The following TCF12 variants were observed in gnomAD, a reference collection of about 807,000 sequenced individuals.
TCF12 encodes transcription factor 12, also known as DNA-binding protein HTF4.
A neutral mutation model predicts 86.0 loss-of-function variants in TCF12; 45 were observed. The ratio of observed to expected loss-of-function variants is 0.52; its 90% CI spans 0.41 to 0.67. TCF12 has a LOEUF of 0.67. Ranked by LOEUF, TCF12 falls within the 30% of genes least tolerant of loss-of-function variation. The pLI, the probability that TCF12 is intolerant of heterozygous loss-of-function variation, is 0.00. For missense variants in TCF12, 881 were observed against 859.9 expected (o/e 1.02, Z -0.31); for synonymous variants, 330 against 299.6 (o/e 1.10, Z -1.05).
chr15:57,074,560 T>C (rs1414615055), intron 4 of TCF12, among the ~76,000 whole-genome samples: 2 of 152,170 alleles, frequency 1.3e-5, no homozygotes, highest in Non-Finnish European at 2.9e-5. Context: ...AGGCTGGAAA[T>C]GCAGTGGCAC....
chr15:56,927,675 C>G (rs1251380911), intron 3 of TCF12, among the ~76,000 whole-genome samples: 3 of 151,726 alleles, frequency 2.0e-5, no homozygotes, highest in Non-Finnish European at 4.4e-5. Context: ...ATGTTTTTGC[C>G]CACATTCTGA....
At chr15:57,105,297 T>G (rs1263583880) in intron 5 of TCF12, among the ~76,000 whole-genome samples, 2 of 152,240 alleles carry the variant, frequency 1.3e-5, no homozygotes, top group Admixed American at 6.5e-5. Flanking sequence ...TCTCTTAATG[T>G]TCCTATAAAC....
At chr15:57,011,966 C>G (rs562860387) in intron 3 of TCF12, among the ~76,000 whole-genome samples, 15 of 152,248 alleles carry the variant, frequency 9.9e-5, no homozygotes, top group African/African-American at 3.6e-4. Context: ...AACCTTGCTG[C>G]TTGTAATGGT....
At chr15:56,960,629 C>T (rs1471888789) in intron 3 of TCF12, among the ~76,000 whole-genome samples, 1 of 151,628 alleles carries the variant, frequency 6.6e-6, no homozygotes, top group Non-Finnish European at 1.5e-5. Flanking sequence ...GGGGTTTCAC[C>T]ATGTTGGCCA....
chr15:57,200,926 C>T (rs948450148), intron 8 of TCF12, among the ~76,000 whole-genome samples: 1 of 152,130 alleles, frequency 6.6e-6, no homozygotes, highest in East Asian at 1.9e-4. Flanking sequence ...TACTGATTGG[C>T]TGTATAGCCT....
At chr15:57,037,027 T>C (rs141621352) in intron 3 of TCF12, among the ~76,000 whole-genome samples, 205 of 152,326 alleles carry the variant, frequency 1.3e-3, no homozygotes, top group Non-Finnish European at 2.5e-3. Flanking sequence ...GTCAGTTGTT[T>C]TTAACTGGAC....
At chr15:57,132,732 G>A (rs561675712) in intron 5 of TCF12, among the ~76,000 whole-genome samples, 1 of 152,026 alleles carries the variant, frequency 6.6e-6, no homozygotes, top group African/African-American at 2.4e-5. Context: ...TCTGTACATG[G>A]CATATAGTCA....
chr15:57,067,357 G>A (rs1215129278), intron 4 of TCF12, among the ~76,000 whole-genome samples: 1 of 151,614 alleles, frequency 6.6e-6, no homozygotes, highest in Non-Finnish European at 1.5e-5. Context: ...CGGCTAAAAC[G>A]GTGAAACCCC....
intron 3 of TCF12, among the ~76,000 whole-genome samples, chr15:56,969,625 C>T (rs1367962191): frequency 4.0e-5 from 6 of 150,572 alleles, no homozygotes; most frequent in Non-Finnish European, 7.4e-5. Context: ...GCAGCCTCCA[C>T]CTCCTGGCTT....
At chr15:57,255,070 T>G (rs1026274169) in intron 16 of TCF12, among the ~76,000 whole-genome samples, 1 of 152,210 alleles carries the variant, frequency 6.6e-6, no homozygotes, top group Non-Finnish European at 1.5e-5. Flanking sequence ...TAAGTTAGTC[T>G]CAGCAGCAAC....
chr15:57,130,696 T>G (rs2151342149), intron 5 of TCF12, among the ~76,000 whole-genome samples: 1 of 152,278 alleles, frequency 6.6e-6, no homozygotes, highest in Middle Eastern at 3.4e-3. Flanking sequence ...TTTTTCTGGT[T>G]TTGGTGTTTT....
At chr15:56,999,238 A>G (rs2041907147) in intron 3 of TCF12, among the ~76,000 whole-genome samples, 1 of 151,922 alleles carries the variant, frequency 6.6e-6, no homozygotes, top group Non-Finnish European at 1.5e-5. Flanking sequence ...GAAACTAGTC[A>G]AAGAACAAAT....
intron 3 of TCF12, among the ~76,000 whole-genome samples, chr15:57,029,861 C>T (rs1315251937): frequency 6.6e-6 from 1 of 152,200 alleles, no homozygotes; most frequent in African/African-American, 2.4e-5. Context: ...TGGCTTCTTT[C>T]ACTAAGCATA....
chr15:56,981,414 G>A (rs138708002), intron 3 of TCF12, among the ~76,000 whole-genome samples: 1 of 152,272 alleles, frequency 6.6e-6, no homozygotes, highest in African/African-American at 2.4e-5. Context: ...AGAAGCAAGA[G>A]AACAAAACCA....
At chr15:57,123,900 T>C (rs1275579877) in intron 5 of TCF12, among the ~76,000 whole-genome samples, 1 of 146,708 alleles carries the variant, frequency 6.8e-6, no homozygotes, top group Middle Eastern at 3.3e-3. Context: ...AACCCGGGAG[T>C]CAGAGCTTGC....
At chr15:57,280,142 G>A (rs893337009) in intron 19 of TCF12, among the ~76,000 whole-genome samples, 6 of 151,764 alleles carry the variant, frequency 4.0e-5, no homozygotes, top group Non-Finnish European at 5.9e-5. Flanking sequence ...CGCCTGTTTC[G>A]GCCTCCCAAA....
At chr15:57,079,079 G>A (rs1160950899) in intron 4 of TCF12, among the ~76,000 whole-genome samples, 1 of 152,140 alleles carries the variant, frequency 6.6e-6, no homozygotes, top group Non-Finnish European at 1.5e-5. Flanking sequence ...TGCAAATACA[G>A]TAAAGCAGTA....
chr15:57,070,187 C>T (rs1222691892), intron 4 of TCF12, among the ~76,000 whole-genome samples: 1 of 151,162 alleles, frequency 6.6e-6, no homozygotes, highest in Non-Finnish European at 1.5e-5. Context: ...AGATGATATC[C>T]GGGATTTTTT....
At chr15:57,098,540 A>G (rs1447558212) in intron 5 of TCF12, among the ~76,000 whole-genome samples, 6 of 152,158 alleles carry the variant, frequency 3.9e-5, no homozygotes, top group Non-Finnish European at 8.8e-5. Flanking sequence ...TATTCAGTCT[A>G]TCTTTATAGA....
Sources: gnomAD v4.1 joint callset for allele counts (sites outside exome capture counted in the v4.1 genomes callset) on GRCh38, gnomAD v4.1.1 for gene constraint, MANE v1.5 for transcripts, NCBI Gene and HGNC (gene_info 2026-07-23, HGNC 2026-07-21) for gene names.